Variants in ARHGAP42 observed in about 807,000 individuals in gnomAD.
The protein encoded by ARHGAP42 is Rho GTPase activating protein 42.
ARHGAP42 carries 63 observed loss-of-function variants against 125.0 expected under a neutral mutation model. The observed-to-expected ratio is 0.50, with a 90% confidence interval of 0.41 to 0.62. The LOEUF is 0.62. Ranked by LOEUF, ARHGAP42 falls within the 20% of genes least tolerant of loss-of-function variation. ARHGAP42 has a pLI of 0.00. For missense variants in ARHGAP42, 766 were observed against 1,024.2 expected (o/e 0.75, Z 3.44); for synonymous variants, 339 against 351.0 (o/e 0.97, Z 0.38).
At chr11:100,782,227 C>T (rs1033985704) in intron 2 of ARHGAP42, among the ~76,000 whole-genome samples, 1 of 152,112 alleles carries the variant, frequency 6.6e-6, no homozygotes, top group Non-Finnish European at 1.5e-5. Context: ...ATTGCAGTTG[C>T]GCTTTAGGAG....
rs17095533 is a variant in ARHGAP42 at position 100,818,335 on chromosome 11, C to G, written c.312+23169C>G. ...ATGTGTAAGACAAGGGTCCATTCTTCAGATGCTGAGTTATTGACGGAGATG... is the reference window on the plus strand; with the variant it reads ...ATGTGTAAGACAAGGGTCCATTCTTGAGATGCTGAGTTATTGACGGAGATG... On this transcript the variant is annotated intron_variant, in intron 3 of 23. Coordinates refer to ENST00000298815, the MANE Select transcript of ARHGAP42 (RefSeq NM_152432.4). 7.0e-3 allele frequency among the ~76,000 whole-genome samples: 1,066 copies of G among 152,270 alleles called. 17 individuals carry two copies. Among genetic ancestry groups the G allele is most frequent in the African/African-American group, 0.024 (993 of 41,552 alleles).
chr11:100,816,034 G>A lies in ARHGAP42; in HGVS notation c.312+20868G>A, dbSNP rs548818966. On this transcript the variant is annotated intron_variant, in intron 3 of 23. Transcript: ENST00000298815. ...CCATTGTATGTATACATTATATTTT[G>A]TTCATCTATTTATCCATGGAGGGAC... 2.8e-4 allele frequency among the ~76,000 whole-genome samples: 43 copies of A among 152,036 alleles called. No individual in the cohort carries two copies. The Middle Eastern group carries it at 0.01, about 36-fold the overall frequency.
At chr11:100,756,105 G>A (rs1862570597) in intron 1 of ARHGAP42, among the ~76,000 whole-genome samples, 1 of 151,394 alleles carries the variant, frequency 6.6e-6, no homozygotes, top group Admixed American at 6.6e-5. Context: ...ATCGTCTTTG[G>A]CCAGGCATGG....
intron 16 of ARHGAP42, among the ~76,000 whole-genome samples, chr11:100,963,350 C>T (rs375958870): frequency 1.3e-5 from 2 of 152,150 alleles, no homozygotes; most frequent in Non-Finnish European, 1.5e-5. Flanking sequence ...AAGTTAGTAA[C>T]GTGTATTTGT....
At chr11:100,942,929 C>T (rs912012366) in intron 9 of ARHGAP42, among the ~76,000 whole-genome samples, 1 of 152,008 alleles carries the variant, frequency 6.6e-6, no homozygotes, top group African/African-American at 2.4e-5. Context: ...TGTAAGTAGA[C>T]CAAGCCAAAG....
intron 12 of ARHGAP42, among the ~76,000 whole-genome samples, chr11:100,954,292 T>G (rs1271608490): frequency 1.3e-5 from 2 of 152,178 alleles, no homozygotes; most frequent in Admixed American, 6.6e-5. Context: ...GTGCACCTAC[T>G]CTACTCCAGG....
At chr11:100,802,798 T>C (rs998592946) in intron 3 of ARHGAP42, among the ~76,000 whole-genome samples, 1 of 152,142 alleles carries the variant, frequency 6.6e-6, no homozygotes, top group African/African-American at 2.4e-5. Context: ...CCTCTTTGTG[T>C]GTCACTACAG....
intron 3 of ARHGAP42, among the ~76,000 whole-genome samples, chr11:100,843,392 C>A (rs1222701923): frequency 6.6e-6 from 1 of 151,682 alleles, no homozygotes; most frequent in Admixed American, 6.6e-5. Context: ...GTCATTCTAC[C>A]AAGACAAGGA....
chr11:100,730,674 G>GT (rs1861940874), intron 1 of ARHGAP42, among the ~76,000 whole-genome samples: 2 of 152,316 alleles, frequency 1.3e-5, no homozygotes, highest in South Asian at 4.1e-4. Flanking sequence ...TGCTTAAATA[G>GT]TAAGTCATAT....
chr11:100,889,389 C>T (rs770443762), intron 4 of ARHGAP42, among the ~76,000 whole-genome samples: 21 of 152,156 alleles, frequency 1.4e-4, no homozygotes, highest in Non-Finnish European at 2.2e-4. Flanking sequence ...TTATACCTTC[C>T]GTCATATGAG....
chr11:100,808,697 GC>G (rs1341459138), intron 3 of ARHGAP42, among the ~76,000 whole-genome samples: 60 of 152,100 alleles, frequency 3.9e-4, no homozygotes, highest in African/African-American at 1.4e-3. Flanking sequence ...GAGCCACCGC[GC>G]CCGGCCAAAT....
chr11:100,806,837 G>GTTTGTTTA (rs1170787108), intron 3 of ARHGAP42, among the ~76,000 whole-genome samples: 62 of 149,450 alleles, frequency 4.1e-4, no homozygotes, highest in African/African-American at 1.5e-3. Flanking sequence ...TTGTTTGTTT[G>GTTTGTTTA]TTTATTTATT....
intron 12 of ARHGAP42, among the ~76,000 whole-genome samples, chr11:100,954,676 T>C (rs1039831053): frequency 1.3e-5 from 2 of 152,072 alleles, no homozygotes; most frequent in African/African-American, 2.4e-5. Flanking sequence ...CCCTGATCTT[T>C]GATCAGTTAC....
rs142583990 is a variant in ARHGAP42, at chr11:100,749,768, C to T, written c.155-20575C>T. Reference sequence around the variant, plus strand: ...CTCCGTCCAGCAGTAGGACTTATCACCATCCACTGGAACAACACTGCAAGT... The same window carrying T: ...CTCCGTCCAGCAGTAGGACTTATCATCATCCACTGGAACAACACTGCAAGT... On this transcript the variant is annotated intron_variant, in intron 1 of 23. Coordinates refer to ENST00000298815, the MANE Select transcript of ARHGAP42 (RefSeq NM_152432.4). 2.8e-3 allele frequency among the ~76,000 whole-genome samples: 430 copies of T among 152,264 alleles called. 3 individuals carry two copies. Among genetic ancestry groups the T allele is most frequent in the African/African-American group, 9.8e-3 (405 of 41,532 alleles).
chr11:100,808,089 A>G (rs1864042158), intron 3 of ARHGAP42, among the ~76,000 whole-genome samples: 2 of 152,352 alleles, frequency 1.3e-5, no homozygotes, highest in South Asian at 2.1e-4. Context: ...CTAAATAGGC[A>G]TGAGGTAGAC....
At position 100,811,420 on chromosome 11, in the gene ARHGAP42, G is replaced by A. The variant is rs927242615; in HGVS notation, c.312+16254G>A. ...AGGACATGGCCATGGCCAAAATCAC[G>A]GAAGTAGAATGTGAATGACTAGAGT... On this transcript the variant is annotated intron_variant, in intron 3 of 23. Transcript: ENST00000298815. Among the ~76,000 whole-genome samples the A allele has an allele frequency of 3.3e-5, 5 of 151,990 alleles. 1 individual carries two copies. The highest frequency in any genetic ancestry group is 2.0e-4 in the Admixed American group (3 of 15,260).
chr11:100,843,150 C>T (rs756962454), intron 3 of ARHGAP42, among the ~76,000 whole-genome samples: 17 of 151,926 alleles, frequency 1.1e-4, no homozygotes, highest in Non-Finnish European at 2.2e-4. Context: ...ACTGACACCA[C>T]GGAAATACAA....
At position 100,873,272 on chromosome 11, in the gene ARHGAP42, G is replaced by A. The variant is rs1273108980; in HGVS notation, c.384+13647G>A. Among the ~76,000 whole-genome samples, 3 of 152,112 alleles carry A rather than the reference G, an allele frequency of 2.0e-5. 1 individual carries two copies. Among genetic ancestry groups the A allele is most frequent in the South Asian group, 4.2e-4 (2 of 4,818 alleles). On this transcript the variant is annotated intron_variant, in intron 4 of 23. Transcript: ENST00000298815. ...TTTAGCCTTTTTTTCTTTCTTTTTGGAGAATGAACCGCATTAAGAAATACA... is the reference window on the plus strand; with the variant it reads ...TTTAGCCTTTTTTTCTTTCTTTTTGAAGAATGAACCGCATTAAGAAATACA...
At chr11:100,962,543 T>A (rs771021605) in intron 16 of ARHGAP42, 76 bp downstream of exon 16, 1 of 1,264,284 alleles carries the variant, frequency 7.9e-7, no homozygotes, top group Non-Finnish European at 1.1e-6. Flanking sequence ...ATATTACTAG[T>A]ATCAGCTAGT....
Sources: gnomAD v4.1 joint callset for allele counts (sites outside exome capture counted in the v4.1 genomes callset) on GRCh38, gnomAD v4.1.1 for gene constraint, MANE v1.5 for transcripts, NCBI Gene and HGNC (gene_info 2026-07-23, HGNC 2026-07-21) for gene names.